The following LPAR3 variants were observed in gnomAD, a reference collection of about 807,000 sequenced individuals.
The protein encoded by LPAR3 is LPA receptor 3.
Under a neutral mutation model 17.8 loss-of-function variants are expected in LPAR3, and 7 were observed. That is an observed-to-expected ratio of 0.39 (90% CI 0.22 to 0.74). The LOEUF (loss-of-function observed/expected upper bound fraction) is 0.74. Among genes scored for constraint, LPAR3 ranks in the 30% least tolerant of loss-of-function variants. The pLI is 0.40. For synonymous variants in LPAR3, 179 were observed against 179.9 expected (o/e 0.99, Z 0.04); for missense variants, 391 against 453.4 (o/e 0.86, Z 1.25).
At chr1:84,816,376 C>G (rs1203713149) in intron 2 of LPAR3, among the ~76,000 whole-genome samples, 1 of 152,148 alleles carries the variant, frequency 6.6e-6, no homozygotes, top group Non-Finnish European at 1.5e-5. Flanking sequence ...GTTCAGAAGC[C>G]GCTTAGCCTG....
At chr1:84,838,854 C>T (rs1659452457) in intron 2 of LPAR3, among the ~76,000 whole-genome samples, 1 of 152,172 alleles carries the variant, frequency 6.6e-6, no homozygotes, top group African/African-American at 2.4e-5. Context: ...TCTCTTTTAA[C>T]CCCTTGTTCC....
At chr1:84,858,981 A>C (rs1659883138) in intron 2 of LPAR3, among the ~76,000 whole-genome samples, 1 of 152,214 alleles carries the variant, frequency 6.6e-6, no homozygotes, top group African/African-American at 2.4e-5. Context: ...ACTAGGGGAA[A>C]GGTATCCCAA....
chr1:84,835,394 A>G lies in LPAR3; in HGVS notation c.737-21223T>C, dbSNP rs1409606649. Among the ~76,000 whole-genome samples, 8 of 152,322 alleles carry G rather than the reference A, an allele frequency of 5.3e-5. No individual in the cohort carries two copies. In the East Asian group the frequency reaches 1.5e-3, roughly 29 times the overall value. ...CTTAAGTCTTTTGTTTTCCTTGAACATGCACTGTTATCAAGAAGGTCTTAC... is the reference window on the plus strand; with the variant it reads ...CTTAAGTCTTTTGTTTTCCTTGAACGTGCACTGTTATCAAGAAGGTCTTAC... On this transcript the variant is annotated intron_variant, in intron 2 of 2. Transcript: ENST00000370611.
At chr1:84,874,899 A>ATT (rs11310847) in intron 1 of LPAR3, among the ~76,000 whole-genome samples, 4 of 137,286 alleles carry the variant, frequency 2.9e-5, no homozygotes, top group South Asian at 2.4e-4. Flanking sequence ...GAGAATGTCA[A>ATT]TTTTTTTTTT....
At chr1:84,863,896 C>G (rs1025052880) in intron 2 of LPAR3, among the ~76,000 whole-genome samples, 1 of 152,140 alleles carries the variant, frequency 6.6e-6, no homozygotes, top group Non-Finnish European at 1.5e-5. Context: ...CTACCTTACC[C>G]ATCAGTAAAT....
chr1:84,814,680 C>T (rs1159679491), intron 2 of LPAR3, among the ~76,000 whole-genome samples: 3 of 152,194 alleles, frequency 2.0e-5, no homozygotes, highest in Non-Finnish European at 2.9e-5. Context: ...AATGAGTCTA[C>T]GGCATTCTTC....
At chr1:84,851,015 G>C (rs1659696587) in intron 2 of LPAR3, among the ~76,000 whole-genome samples, 1 of 152,174 alleles carries the variant, frequency 6.6e-6, no homozygotes, top group African/African-American at 2.4e-5. Flanking sequence ...CCTGGGGCAG[G>C]GGGAGCCTTT....
intron 1 of LPAR3, among the ~76,000 whole-genome samples, chr1:84,890,525 G>C (rs1317571909): frequency 1.3e-5 from 2 of 152,184 alleles, no homozygotes; most frequent in Non-Finnish European, 2.9e-5. Flanking sequence ...GAGAGGTGAA[G>C]CTATGTGCCC....
At chr1:84,838,426 T>C (rs1192061333) in intron 2 of LPAR3, among the ~76,000 whole-genome samples, 1 of 152,218 alleles carries the variant, frequency 6.6e-6, no homozygotes, top group East Asian at 1.9e-4. Context: ...ACAGTATCAC[T>C]GTACACCCAG....
intron 2 of LPAR3, among the ~76,000 whole-genome samples, chr1:84,826,093 C>G (rs1659148953): frequency 6.6e-6 from 1 of 151,742 alleles, no homozygotes; most frequent in Non-Finnish European, 1.5e-5. Flanking sequence ...GTCACTACAT[C>G]ACTACTCTAG....
intron 2 of LPAR3, among the ~76,000 whole-genome samples, chr1:84,862,850 T>G (rs1659965237): frequency 6.6e-6 from 1 of 152,196 alleles, no homozygotes; most frequent in African/African-American, 2.4e-5. Context: ...ACACACACAG[T>G]GAGAAACGGC....
At chr1:84,885,280 A>G (rs1032346136) in intron 1 of LPAR3, among the ~76,000 whole-genome samples, 5 of 152,204 alleles carry the variant, frequency 3.3e-5, no homozygotes, top group African/African-American at 9.7e-5. Flanking sequence ...GAGATGAGAC[A>G]TATAATACAG....
At chr1:84,822,802 TATTTCC>T (rs1284067244) in intron 2 of LPAR3, among the ~76,000 whole-genome samples, 2 of 152,220 alleles carry the variant, frequency 1.3e-5, no homozygotes, top group Non-Finnish European at 2.9e-5. Flanking sequence ...CTTGCAGCCA[TATTTCC>T]ATCTGTTTAA....
intron 2 of LPAR3, among the ~76,000 whole-genome samples, chr1:84,825,517 A>G (rs2102747069): frequency 6.6e-6 from 1 of 152,258 alleles, no homozygotes; most frequent in South Asian, 2.1e-4. Context: ...TGTGTTTTTA[A>G]ATGGACAGGA....
intron 2 of LPAR3, among the ~76,000 whole-genome samples, chr1:84,862,965 C>T (rs1294149273): frequency 6.6e-6 from 1 of 152,030 alleles, no homozygotes; most frequent in African/African-American, 2.4e-5. Context: ...GGAGGTGGGG[C>T]AATAGGCCAC....
chr1:84,850,461 C>T lies in LPAR3; in HGVS notation c.736+14924G>A, dbSNP rs1362715733. ...AAATAGCTGGACATGGTGGTGTGCGCCTGTACTCCCATCTACTCAGGAGGC... is the reference window on the plus strand; with the variant it reads ...AAATAGCTGGACATGGTGGTGTGCGTCTGTACTCCCATCTACTCAGGAGGC... On this transcript the variant is annotated intron_variant, in intron 2 of 2. Transcript: ENST00000370611. Among the ~76,000 whole-genome samples, 2 of 151,298 alleles carry T rather than the reference C, an allele frequency of 1.3e-5. 1 individual carries two copies. Among genetic ancestry groups the T allele is most frequent in the East Asian group, 3.9e-4 (2 of 5,158 alleles).
intron 2 of LPAR3, among the ~76,000 whole-genome samples, chr1:84,844,506 T>G (rs1045537702): frequency 3.9e-5 from 6 of 152,172 alleles, no homozygotes; most frequent in African/African-American, 1.2e-4. Flanking sequence ...TACTAATTCT[T>G]GAATAAATAC....
At chr1:84,848,654 C>T (rs748960843) in intron 2 of LPAR3, among the ~76,000 whole-genome samples, 3 of 152,110 alleles carry the variant, frequency 2.0e-5, no homozygotes, top group Non-Finnish European at 2.9e-5. Context: ...TCTGAGAGTC[C>T]ACTCCATGCA....
chr1:84,822,844 G>A (rs1570857625), intron 2 of LPAR3, among the ~76,000 whole-genome samples: 1 of 152,102 alleles, frequency 6.6e-6, no homozygotes, highest in East Asian at 1.9e-4. Flanking sequence ...ATTAATCAAA[G>A]AACGTTGACA....
Sources: gnomAD v4.1 joint callset for allele counts (sites outside exome capture counted in the v4.1 genomes callset) on GRCh38, gnomAD v4.1.1 for gene constraint, MANE v1.5 for transcripts, NCBI Gene and HGNC (gene_info 2026-07-23, HGNC 2026-07-21) for gene names.